Variants in TLL2 observed in about 807,000 individuals in gnomAD.
TLL2 encodes tolloid-like protein 2.
TLL2 carries 106 observed loss-of-function variants against 123.0 expected under a neutral mutation model. The observed-to-expected ratio is 0.86, with a 90% CI of 0.74 to 1.01. The LOEUF (loss-of-function observed/expected upper bound fraction) is 1.01, where lower values mean the gene tolerates loss of function less well. Among genes scored for constraint, TLL2 ranks in the 50% least tolerant of loss-of-function variants. The pLI, the probability that TLL2 is intolerant of heterozygous loss-of-function variation, is 0.00. For synonymous variants in TLL2, 494 were observed against 516.8 expected (o/e 0.96, Z 0.60); for missense variants, 1,332 against 1,336.7 (o/e 1.00, Z 0.06).
chr10:96,502,860 G>A (rs1252140835), intron 1 of TLL2, among the ~76,000 whole-genome samples: 1 of 152,170 alleles, frequency 6.6e-6, no homozygotes, highest in Non-Finnish European at 1.5e-5. Context: ...TGGCCCAGCT[G>A]GCAGAGCAGG....
intron 10 of TLL2, among the ~76,000 whole-genome samples, chr10:96,398,152 T>A (rs1846358668): frequency 6.6e-6 from 1 of 152,100 alleles, no homozygotes; most frequent in Non-Finnish European, 1.5e-5. Flanking sequence ...GCAACATGAT[T>A]CCAGGCCCAA....
intron 3 of TLL2, among the ~76,000 whole-genome samples, chr10:96,437,329 T>C (rs1846806979): frequency 3.3e-5 from 5 of 152,194 alleles, no homozygotes; most frequent in African/African-American, 1.2e-4. Context: ...TTTGCAAAAC[T>C]ACAGTACAAT....
At chr10:96,508,920 G>A (rs2134118020) in intron 1 of TLL2, among the ~76,000 whole-genome samples, 3 of 152,146 alleles carry the variant, frequency 2.0e-5, no homozygotes, top group Middle Eastern at 6.8e-3. Context: ...CTCCCACCTT[G>A]AATCTGGGAG....
rs539770430 is a variant in TLL2 at position 96,452,142 on chromosome 10, G to A, written c.287-5974C>T. Among the ~76,000 whole-genome samples the A allele has an allele frequency of 2.0e-5, 3 of 152,352 alleles. No individual in the cohort carries two copies. In the East Asian group the frequency reaches 5.8e-4, roughly 29 times the overall value. On this transcript the variant is annotated intron_variant, in intron 2 of 20. Coordinates refer to ENST00000357947, the MANE Select transcript of TLL2 (RefSeq NM_012465.4). The stretch of plus-strand genomic sequence containing the variant: ...GTGCCTGCATTCTGATGGAGGGGAT[G>A]GAAATTAACAATAAATAATGAGATC...
At chr10:96,396,879 A>G (rs1846347445) in intron 11 of TLL2, among the ~76,000 whole-genome samples, 1 of 152,170 alleles carries the variant, frequency 6.6e-6, no homozygotes, top group South Asian at 2.1e-4. Context: ...TATCATTTCC[A>G]CAGGGTTCTA....
chr10:96,443,514 G>C (rs1361236951), intron 3 of TLL2, among the ~76,000 whole-genome samples: 1 of 152,190 alleles, frequency 6.6e-6, no homozygotes, highest in Non-Finnish European at 1.5e-5. Flanking sequence ...GATAAATTCA[G>C]TCAAGTGAGT....
Position 96,513,638 on chromosome 10 carries a change from C to G in TLL2, c.48G>C (p.Leu16=). ...CCCCGGCGCCGCGAGGCAGCGGCAG[C>G]AGCAGCAGCAGTGACACCAGGGCCC... The part of the protein sequence containing the change: ...ALGALVSLLL[L]LPLPRGAGGL... The change falls in exon 1 of 21, where the codon CTG becomes CTC. Residue 16 remains leucine (L), a synonymous_variant. Coordinates refer to ENST00000357947, the MANE Select transcript of TLL2 (RefSeq NM_012465.4). 1.3e-6 allele frequency: 2 copies of G among 1,593,226 alleles called. No individual in the cohort carries two copies. Among genetic ancestry groups the G allele is most frequent in the Non-Finnish European group, 1.7e-6 (2 of 1,175,804 alleles).
chr10:96,369,920 C>T, intron 20 of TLL2, 145 bp downstream of exon 20: 1 of 1,196,888 alleles, frequency 8.4e-7, no homozygotes, highest in Non-Finnish European at 1.1e-6. Context: ...TCCTGCTTCC[C>T]ACTCCGCTTC....
At chr10:96,482,587 A>G (rs1361336989) in intron 1 of TLL2, among the ~76,000 whole-genome samples, 1 of 152,244 alleles carries the variant, frequency 6.6e-6, no homozygotes. Flanking sequence ...ACTACATATT[A>G]TATGATTCAA....
intron 6 of TLL2, among the ~76,000 whole-genome samples, chr10:96,422,024 T>C (rs184463964): frequency 2.0e-3 from 300 of 152,326 alleles, no homozygotes; most frequent in South Asian, 5.0e-3. Context: ...TTAACTTCCA[T>C]ATAAAATTAT....
At chr10:96,476,220 ATG>A (rs199865793) in intron 2 of TLL2, among the ~76,000 whole-genome samples, 1,683 of 18,458 alleles carry the variant, frequency 0.091, 174 homozygotes, top group Middle Eastern at 0.3. Flanking sequence ...TTAATTTTAT[ATG>A]TATATATATA....
intron 16 of TLL2, among the ~76,000 whole-genome samples, chr10:96,380,557 G>C (rs188163491): frequency 0.015 from 2,221 of 152,040 alleles, 31 homozygotes; most frequent in Non-Finnish European, 0.022. Flanking sequence ...GCCGGGCGTG[G>C]TGGCGGGCGC....
intron 3 of TLL2, among the ~76,000 whole-genome samples, chr10:96,442,058 AC>A (rs1846855091): frequency 6.6e-6 from 1 of 152,004 alleles, no homozygotes; most frequent in Non-Finnish European, 1.5e-5. Flanking sequence ...GCAGTTGCAC[AC>A]TCCATTTCAT....
In TLL2 at chr10:96,440,190, G is replaced by T. The variant is rs556209304; in HGVS notation, c.364+5901C>A. ...AGCCCTAAACTACAAATTGCATCAA[G>T]ATGTCAAATGTGAATTTTTCTGGTA... On this transcript the variant is annotated intron_variant, in intron 3 of 20. Transcript: ENST00000357947. Among the ~76,000 whole-genome samples, 227 of 152,282 alleles carry T rather than the reference G, an allele frequency of 1.5e-3. 1 individual carries two copies. The highest frequency in any genetic ancestry group is 2.8e-3 in the Non-Finnish European group (193 of 68,042).
At position 96,395,384 on chromosome 10, in the gene TLL2, T is replaced by TAAAGG; in HGVS notation, c.1531-7_1531-3dup. ...TGCACAGCTGTCGTGCCTTTCAATC[T>TAAAGG]AAAGGAAGAAACAGAGGCAAGGTGG... On this transcript the variant is annotated splice_polypyrimidine_tract_variant and splice_region_variant and intron_variant, in intron 12 of 20. Transcript: ENST00000357947. 1 of 1,577,078 alleles carries TAAAGG rather than the reference T, an allele frequency of 6.3e-7. No homozygotes were observed. The highest frequency in any genetic ancestry group is 8.6e-7 in the Non-Finnish European group (1 of 1,161,916).
chr10:96,410,776 C>A (rs928329170), intron 8 of TLL2: 1 of 470,818 alleles, frequency 2.1e-6, no homozygotes, highest in African/African-American at 2.0e-5. Flanking sequence ...CCTAGACTTG[C>A]TGGACCTTAG....
intron 3 of TLL2, among the ~76,000 whole-genome samples, chr10:96,439,059 A>AT (rs34560855): frequency 0.92 from 130,572 of 142,678 alleles, 60,630 homozygotes; most frequent in Non-Finnish European, 1. Context: ...TCATTTGCTA[A>AT]TTTTTTTAAG....
In TLL2 at chr10:96,480,354, C is replaced by T. The variant is rs138748320; in HGVS notation, c.281G>A (p.Ser94Asn). The change falls in exon 2 of 21, where the codon AGC becomes AAC. Residue 94 changes from serine to asparagine, a missense_variant. Ser to Asn is a conservative substitution (Grantham distance 46). Coordinates refer to ENST00000357947, the MANE Select transcript of TLL2 (RefSeq NM_012465.4). ...TKQTVGATGH[S>N]TGGLEEQASE... Reference sequence around the variant, plus strand: ...AGGGAGGAAGCAGTACCTACCTGTGCTGTGTCCTGTTGCCCCCACTGTCTG... The same window carrying T: ...AGGGAGGAAGCAGTACCTACCTGTGTTGTGTCCTGTTGCCCCCACTGTCTG... The T allele has an allele frequency of 1.7e-5, 27 of 1,613,920 alleles. No individual in the cohort carries two copies. The highest frequency in any genetic ancestry group is 2.3e-5 in the Non-Finnish European group (27 of 1,179,866).
chr10:96,447,622 A>G (rs542801368), intron 2 of TLL2, among the ~76,000 whole-genome samples: 5 of 152,296 alleles, frequency 3.3e-5, no homozygotes, highest in African/African-American at 1.2e-4. Context: ...GACACCAGGG[A>G]GCAGATTTGA....
Sources: gnomAD v4.1 joint callset for allele counts (sites outside exome capture counted in the v4.1 genomes callset) on GRCh38, gnomAD v4.1.1 for gene constraint, MANE v1.5 for transcripts, NCBI Gene and HGNC (gene_info 2026-07-23, HGNC 2026-07-21) for gene names.